Variants in ARIH1 observed in about 807,000 individuals in gnomAD.
The protein encoded by ARIH1 is ariadne RBR E3 ubiquitin protein ligase 1, also known as E3 ubiquitin-protein ligase ARIH1.
A neutral mutation model predicts 85.0 loss-of-function variants in ARIH1; 8 were observed. The ratio of observed to expected loss-of-function variants is 0.09; its 90% CI spans 0.06 to 0.17. The LOEUF is 0.17. ARIH1 is among the 10% of genes least tolerant of loss of function. The pLI is 1.00. For missense variants in ARIH1, 311 were observed against 718.1 expected (o/e 0.43, Z 6.48); for synonymous variants, 238 against 253.6 (o/e 0.94, Z 0.59).
rs1276591771 is a variant in ARIH1 at position 72,474,585 on chromosome 15, T to C, written c.-55T>C. 6.8e-7 allele frequency: 1 copy of C among 1,481,166 alleles called. No homozygotes were observed. The highest frequency in any genetic ancestry group is 1.3e-5 in the South Asian group (1 of 79,036). The allele number at this position is 1,481,166 out of a possible 1,614,324, so 91.8% of individuals were successfully genotyped here. On this transcript the variant is annotated 5_prime_UTR_variant, in exon 1 of 14. Coordinates refer to ENST00000379887, the MANE Select transcript of ARIH1 (RefSeq NM_005744.5). ...CGGAGCGAGAGCCGGGGCCTCGGCG[T>C]CCCCGCCCTCTCCCCGCCTCGGCCA...
intron 13 of ARIH1, 152 bp from the exon 14 acceptor site, chr15:72,583,056 C>T: frequency 1.7e-6 from 1 of 588,764 alleles, no homozygotes; most frequent in Non-Finnish European, 3.0e-6. Flanking sequence ...GTCTGTACAT[C>T]TAGACCTGAA....
chr15:72,492,347 T>C (rs936922181), intron 1 of ARIH1, among the ~76,000 whole-genome samples: 1 of 152,206 alleles, frequency 6.6e-6, no homozygotes, highest in African/African-American at 2.4e-5. Flanking sequence ...ACCGTGAAAC[T>C]GTTATGGAGG....
At chr15:72,492,757 T>C (rs145867496) in intron 1 of ARIH1, among the ~76,000 whole-genome samples, 15 of 152,328 alleles carry the variant, frequency 9.8e-5, no homozygotes, top group African/African-American at 3.4e-4. Flanking sequence ...TATATGATAA[T>C]GTATGAAGCT....
At chr15:72,579,377 G>C (rs1465609817) in intron 11 of ARIH1, among the ~76,000 whole-genome samples, 2 of 152,138 alleles carry the variant, frequency 1.3e-5, no homozygotes, top group African/African-American at 4.8e-5. Flanking sequence ...AGTGGTTGGG[G>C]GGGGAGCCCA....
At chr15:72,545,673 A>G (rs529298093) in intron 3 of ARIH1, among the ~76,000 whole-genome samples, 3 of 152,190 alleles carry the variant, frequency 2.0e-5, no homozygotes, top group African/African-American at 4.8e-5. Context: ...CTAAAAATAC[A>G]AAAAAATTAT....
chr15:72,481,943 TCTC>T (rs1054597331), intron 1 of ARIH1, among the ~76,000 whole-genome samples: 5 of 152,082 alleles, frequency 3.3e-5, no homozygotes, highest in South Asian at 2.1e-4. Context: ...TTCAAGCGAT[TCTC>T]CTCCTTCAGC....
At chr15:72,508,566 T>C (rs2063935890) in intron 1 of ARIH1, among the ~76,000 whole-genome samples, 1 of 152,222 alleles carries the variant, frequency 6.6e-6, no homozygotes, top group Admixed American at 6.5e-5. Context: ...CTAACTTGCA[T>C]AAAATATTGA....
intron 1 of ARIH1, among the ~76,000 whole-genome samples, chr15:72,476,657 C>T (rs1162357559): frequency 6.6e-6 from 1 of 152,066 alleles, no homozygotes; most frequent in Non-Finnish European, 1.5e-5. Context: ...CCACCGTGCC[C>T]GGCCTGTAGA....
At chr15:72,561,604 A>G (rs1199805163) in intron 6 of ARIH1, 55 bp downstream of exon 6, 3 of 1,029,518 alleles carry the variant, frequency 2.9e-6, no homozygotes, top group East Asian at 2.7e-5. Flanking sequence ...TAATAGAAAT[A>G]CTATTTTAAA....
At chr15:72,480,881 G>A (rs2063814041) in intron 1 of ARIH1, among the ~76,000 whole-genome samples, 1 of 152,036 alleles carries the variant, frequency 6.6e-6, no homozygotes, top group South Asian at 2.1e-4. Flanking sequence ...TTTTAATCTG[G>A]GACTGAAAAT....
Position 72,570,260 on chromosome 15 carries a change from G to C in ARIH1, c.1110G>C (p.Glu370Asp), listed in dbSNP as rs573902027. The C allele has an allele frequency of 6.2e-7, 1 of 1,614,102 alleles. No homozygotes were observed. Among genetic ancestry groups the C allele is most frequent in the African/African-American group, 1.3e-5 (1 of 75,034 alleles). Reference protein sequence around the residue: ...MVCRNQNCKAEFCWVCLGPWE... With the variant: ...MVCRNQNCKADFCWVCLGPWE... ...GTCGTAACCAGAATTGTAAAGCAGA[G>C]TTTTGCTGGGTGTGTCTTGGCCCAT... The change falls in exon 10 of 14, where the codon GAG (glutamate) becomes GAC (aspartate). Residue 370 changes from glutamate to aspartate, a missense_variant. This residue lies in a region of ARIH1 where 50 missense variants were observed against 311.7 expected (regional missense o/e 0.16). Transcript: ENST00000379887.
chr15:72,474,503 G>T lies in ARIH1; in HGVS notation c.-137G>T. ...TCAAACGCCAACCGCCGCTCCTGGG[G>T]AGGAGCCGCGGCTCGCGGGGCCGGA... On this transcript the variant is annotated 5_prime_UTR_variant, in exon 1 of 14. Coordinates refer to ENST00000379887, the MANE Select transcript of ARIH1 (RefSeq NM_005744.5). 8.5e-7 allele frequency: 1 copy of T among 1,171,968 alleles called. No homozygotes were observed. Among genetic ancestry groups the T allele is most frequent in the Non-Finnish European group, 1.1e-6 (1 of 878,840 alleles). The allele number at this position is 1,171,968 out of a possible 1,614,324, so 72.6% of individuals were successfully genotyped here.
chr15:72,502,131 C>T (rs1220719051), intron 1 of ARIH1, among the ~76,000 whole-genome samples: 1 of 152,046 alleles, frequency 6.6e-6, no homozygotes, highest in Admixed American at 6.6e-5. Context: ...TATACCCTTC[C>T]ATTATCTCTC....
intron 2 of ARIH1, among the ~76,000 whole-genome samples, chr15:72,519,222 C>A (rs1374450734): frequency 6.6e-6 from 1 of 151,814 alleles, no homozygotes; most frequent in Non-Finnish European, 1.5e-5. Context: ...AAGTATTTCC[C>A]ATTTGATTTT....
At chr15:72,543,035 C>T (rs538845861) in intron 2 of ARIH1, among the ~76,000 whole-genome samples, 10 of 150,688 alleles carry the variant, frequency 6.6e-5, no homozygotes, top group Admixed American at 2.0e-4. Flanking sequence ...TGGATTCAAG[C>T]GGTTCTCATG....
chr15:72,549,031 G>A (rs1163276513), intron 3 of ARIH1, among the ~76,000 whole-genome samples: 1 of 151,338 alleles, frequency 6.6e-6, no homozygotes, highest in South Asian at 2.1e-4. Flanking sequence ...GATAATAGCT[G>A]TACTGGCCCA....
intron 1 of ARIH1, among the ~76,000 whole-genome samples, chr15:72,516,392 CTT>C: frequency 6.9e-6 from 1 of 144,730 alleles, no homozygotes; most frequent in East Asian, 2.1e-4. Context: ...GGCAAATCCT[CTT>C]GTTAAAACTT....
At chr15:72,505,860 C>T (rs534636546) in intron 1 of ARIH1, among the ~76,000 whole-genome samples, 2 of 152,058 alleles carry the variant, frequency 1.3e-5, no homozygotes, top group Non-Finnish European at 2.9e-5. Context: ...TTCAGCCTCC[C>T]GAGGAGCTGG....
intron 6 of ARIH1, among the ~76,000 whole-genome samples, 189 bp downstream of exon 6, chr15:72,561,738 A>G (rs1209933066): frequency 6.6e-6 from 1 of 152,170 alleles, no homozygotes; most frequent in Admixed American, 6.5e-5. Flanking sequence ...TCCCAGCACT[A>G]AGGGAGGCCG....
Sources: gnomAD v4.1 joint callset for allele counts (sites outside exome capture counted in the v4.1 genomes callset) on GRCh38, gnomAD v4.1.1 for gene constraint, gnomAD v4.1.1 regional missense constraint, MANE v1.5 for transcripts, NCBI Gene and HGNC (gene_info 2026-07-23, HGNC 2026-07-21) for gene names.